Variants in DIP2A observed in about 807,000 individuals in gnomAD.
DIP2A encodes the protein DIP2 acetate--CoA ligase A, also known as disco-interacting protein 2 homolog A.
DIP2A carries 85 observed loss-of-function variants against 177.4 expected under a neutral mutation model. The ratio of observed to expected loss-of-function variants is 0.48; its 90% CI spans 0.40 to 0.57. The LOEUF is 0.57. DIP2A is among the 20% of genes least tolerant of loss of function. The pLI, the probability that DIP2A is intolerant of heterozygous loss-of-function variation, is 0.00. For synonymous variants in DIP2A, 886 were observed against 881.8 expected (o/e 1.00, Z -0.08); for missense variants, 1,791 against 2,100.2 (o/e 0.85, Z 2.88).
chr21:46,491,446 T>C (rs1368876475), intron 3 of DIP2A, among the ~76,000 whole-genome samples: 1 of 152,214 alleles, frequency 6.6e-6, no homozygotes, highest in Non-Finnish European at 1.5e-5. Context: ...AAAGAAATAG[T>C]CTAAGAAATA....
intron 22 of DIP2A, among the ~76,000 whole-genome samples, chr21:46,550,335 G>A (rs1012769176): frequency 6.6e-6 from 1 of 151,846 alleles, no homozygotes; most frequent in African/African-American, 2.4e-5. Context: ...CACAAATACA[G>A]TGTGTGTGTT....
chr21:46,534,561 G>GT (rs1334784101), intron 12 of DIP2A, 24 bp from the exon 13 acceptor site: 1 of 1,606,324 alleles, frequency 6.2e-7, no homozygotes, highest in East Asian at 2.2e-5. Context: ...ACCACATCAT[G>GT]TTTTTTTCCT....
chr21:46,583,791 G>C, the DIP2A span, among the ~76,000 whole-genome samples: 3 of 152,262 alleles, frequency 2.0e-5, no homozygotes, highest in East Asian at 5.8e-4. Flanking sequence ...CAGCACAAGG[G>C]TCCTGCCAGA....
rs375140780 is a variant in DIP2A at position 46,545,905 on chromosome 21, G to C, written c.2338G>C (p.Ala780Pro). ...FEAVPVTTGG[A>P]PIFDRPFTRT... Reference sequence around the variant, plus strand: ...GGCAGTTCCGGTCACCACAGGAGGAGCACCCATCTTTGACAGGCCATTCAC... The same window carrying C: ...GGCAGTTCCGGTCACCACAGGAGGACCACCCATCTTTGACAGGCCATTCAC... The change falls in exon 20 of 38, where the codon GCA becomes CCA. Residue 780 changes from alanine to proline, a missense_variant. Ala to Pro is a conservative substitution (Grantham distance 27, BLOSUM62 -1). Transcript: ENST00000417564. The C allele has an allele frequency of 6.2e-7, 1 of 1,613,998 alleles. No individual in the cohort carries two copies. The highest frequency in any genetic ancestry group is 1.1e-5 in the South Asian group (1 of 91,088).
At chr21:46,465,145 T>G (rs1371895951) in intron 1 of DIP2A, among the ~76,000 whole-genome samples, 5 of 152,170 alleles carry the variant, frequency 3.3e-5, no homozygotes, top group Admixed American at 1.3e-4. Context: ...TGTGACTGCT[T>G]TCTCAGAACT....
In DIP2A at chr21:46,537,610, A is replaced by C; in HGVS notation, c.1801+71A>C. 6.9e-7 allele frequency: 1 copy of C among 1,453,498 alleles called. No homozygotes were observed. Among genetic ancestry groups the C allele is most frequent in the East Asian group, 2.3e-5 (1 of 43,974 alleles). The allele number at this position is 1,453,498 out of a possible 1,614,324, so 90.0% of individuals were successfully genotyped here. A position where few individuals can be genotyped will look rare whatever the true frequency, so the allele number is the denominator to read the frequency against. On this transcript the variant is annotated intron_variant, in intron 15 of 37. Transcript: ENST00000417564. The surrounding 1 kb of genome is among the most constrained non-coding windows in gnomAD (Gnocchi z 4.1). ...CTCTTTGAACTGACCTTTGGTGCTT[A>C]AGAAAAAATAAAGCTGACATGTGGA...
In DIP2A at chr21:46,512,800, T is replaced by TA. The variant is rs1178536603; in HGVS notation, c.1102+1197dup. Among the ~76,000 whole-genome samples, 1,119 of 125,632 alleles carry TA rather than the reference T, an allele frequency of 8.9e-3. 23 individuals carry two copies. Among genetic ancestry groups the TA allele is most frequent in the African/African-American group, 0.03 (1,014 of 33,882 alleles). The allele number at this position is 125,632 out of a possible 152,430, so 82.4% of individuals were successfully genotyped here. On this transcript the variant is annotated intron_variant, in intron 8 of 37. Transcript: ENST00000417564. ...CTCACATCACCACACCCAGCTAATTTAAAAAAAAAAACAAACAAAACAAAA... is the reference window on the plus strand; with the variant it reads ...CTCACATCACCACACCCAGCTAATTTAAAAAAAAAAAACAAACAAAACAAAA...
chr21:46,510,424 A>G (rs189663054), intron 7 of DIP2A, among the ~76,000 whole-genome samples: 144 of 152,294 alleles, frequency 9.5e-4, no homozygotes, highest in African/African-American at 2.9e-3. Flanking sequence ...GCATCCTTCA[A>G]TCCCATCAAG....
chr21:46,546,299 A>C, intron 20 of DIP2A: 1 of 1,077,876 alleles, frequency 9.3e-7, no homozygotes, highest in Non-Finnish European at 1.1e-6. Context: ...AAATGCTTCT[A>C]TTTGTAACAT....
intron 18 of DIP2A, among the ~76,000 whole-genome samples, chr21:46,543,236 A>G (rs11701571): frequency 0.27 from 40,438 of 152,124 alleles, 5,440 homozygotes; most frequent in East Asian, 0.43. Context: ...ACAGACAGCA[A>G]TCATTGGGGT....
At chr21:46,572,985 TA>T (rs545052568), downstream of DIP2A, among the ~76,000 whole-genome samples, 6 of 152,268 alleles carry the variant, frequency 3.9e-5, no homozygotes, top group South Asian at 1.2e-3. Context: ...AGGTGTGTTG[TA>T]GGCTAGGTTT....
the DIP2A span, among the ~76,000 whole-genome samples, chr21:46,579,404 C>G: frequency 6.6e-6 from 1 of 150,544 alleles, no homozygotes; most frequent in South Asian, 2.1e-4. Context: ...AAAGCCAGCT[C>G]CTGGATTCGT....
Position 46,476,006 on chromosome 21 carries a change from C to T in DIP2A, c.92-8751C>T, listed in dbSNP as rs549779572. On this transcript the variant is annotated intron_variant, in intron 1 of 37. Transcript: ENST00000417564. Reference sequence around the variant, plus strand: ...ATCCCAGCACTTCGGGAGGCCAAGGCGGGTGGATCACGAGGTCAGGAGATT... The same window carrying T: ...ATCCCAGCACTTCGGGAGGCCAAGGTGGGTGGATCACGAGGTCAGGAGATT... 8.1e-3 allele frequency among the ~76,000 whole-genome samples: 1,224 copies of T among 151,164 alleles called. 16 individuals are homozygous for T. Among genetic ancestry groups the T allele is most frequent in the African/African-American group, 0.028 (1,165 of 41,086 alleles).
At position 46,563,814 on chromosome 21, in the gene DIP2A, T is replaced by C. The variant is rs749524901; in HGVS notation, c.4090-44T>C. ...ATGTCACTGAATCAAGAGAGTCTCG[T>C]GTCATGTTTTCTTTAACAAGGGACA... On this transcript the variant is annotated intron_variant, in intron 34 of 37. Transcript: ENST00000417564. This position sits in a 1 kb window ranked among gnomAD's most constrained non-coding sequence, Gnocchi z 4.3. 74 of 1,605,688 alleles carry C rather than the reference T, an allele frequency of 4.6e-5. No homozygotes were observed. Among genetic ancestry groups the C allele is most frequent in the Non-Finnish European group, 6.1e-5 (72 of 1,176,890 alleles).
In DIP2A at chr21:46,537,838, G is replaced by A. The variant is rs1489522600; in HGVS notation, c.1801+299G>A. Among the ~76,000 whole-genome samples, 2 of 152,168 alleles carry A rather than the reference G, an allele frequency of 1.3e-5. No homozygotes were observed. Among genetic ancestry groups the A allele is most frequent in the African/African-American group, 2.4e-5 (1 of 41,430 alleles). ...GGACCAAGCAGGAGGCCCCAGCATGGCCACACCTGCACAGTTGGCAGTCTG... is the reference window on the plus strand; with the variant it reads ...GGACCAAGCAGGAGGCCCCAGCATGACCACACCTGCACAGTTGGCAGTCTG... On this transcript the variant is annotated intron_variant, in intron 15 of 37. Coordinates refer to ENST00000417564, the MANE Select transcript of DIP2A (RefSeq NM_015151.4). This position sits in a 1 kb window ranked among gnomAD's most constrained non-coding sequence, Gnocchi z 4.1.
At position 46,563,265 on chromosome 21, in the gene DIP2A, G is replaced by A. The variant is rs1569118566; in HGVS notation, c.4090-593G>A. Among the ~76,000 whole-genome samples, 1 of 152,176 alleles carries A rather than the reference G, an allele frequency of 6.6e-6. No homozygotes were observed. Among genetic ancestry groups the A allele is most frequent in the Non-Finnish European group, 1.5e-5 (1 of 68,018 alleles). ...CAGTGTCATTGCCCCCATTTCATACGTGAGGAAACTGAGGACACAGAACAA... is the reference window on the plus strand; with the variant it reads ...CAGTGTCATTGCCCCCATTTCATACATGAGGAAACTGAGGACACAGAACAA... On this transcript the variant is annotated intron_variant, in intron 34 of 37. Coordinates refer to ENST00000417564, the MANE Select transcript of DIP2A (RefSeq NM_015151.4). The surrounding 1 kb of genome is among the most constrained non-coding windows in gnomAD (Gnocchi z 4.3).
At chr21:46,519,669 T>G (rs1317521343) in intron 8 of DIP2A, among the ~76,000 whole-genome samples, 1 of 152,036 alleles carries the variant, frequency 6.6e-6, no homozygotes, top group South Asian at 2.1e-4. Context: ...AAACATTGAG[T>G]AAGCTTATCC....
At chr21:46,546,194 G>T (rs1412157874) in intron 20 of DIP2A, 5 of 1,315,396 alleles carry the variant, frequency 3.8e-6, no homozygotes, top group Non-Finnish European at 4.8e-6. Context: ...CCCCGGGGTG[G>T]ATGAGGATGT....
chr21:46,497,406 A>C (rs1171211616), intron 4 of DIP2A, among the ~76,000 whole-genome samples: 1 of 152,200 alleles, frequency 6.6e-6, no homozygotes, highest in Non-Finnish European at 1.5e-5. Context: ...AAGCACTAAG[A>C]GGAGCCTAAA....
Sources: allele counts gnomAD v4.1 joint callset (sites outside exome capture counted in the v4.1 genomes callset), GRCh38; gene constraint gnomAD v4.1.1; non-coding constraint Gnocchi (gnomAD v3.1); transcripts MANE v1.5; gene names NCBI Gene and HGNC (gene_info 2026-07-23, HGNC 2026-07-21).